Variants in FBXW8 observed in about 807,000 individuals in gnomAD.
FBXW8 encodes F-box and WD repeat domain containing 8.
In FBXW8, 57 loss-of-function variants were observed where a neutral mutation model predicts 65.3. That is an observed-to-expected ratio of 0.87 (90% CI 0.71 to 1.09). The LOEUF (loss-of-function observed/expected upper bound fraction) is 1.09. Among genes scored for constraint, FBXW8 ranks in the 50% least tolerant of loss-of-function variants. The pLI, the probability that FBXW8 is intolerant of heterozygous loss-of-function variation, is 0.00. For missense variants in FBXW8, 777 were observed against 814.8 expected, an observed-to-expected ratio of 0.95 and a Z score of 0.57; for synonymous variants, 308 against 330.2, an observed-to-expected ratio of 0.93 and a Z score of 0.73.
chr12:116,930,857 G>T (rs148779705), intron 2 of FBXW8, among the ~76,000 whole-genome samples: 69 of 152,236 alleles, frequency 4.5e-4, no homozygotes, highest in African/African-American at 1.5e-3. Context: ...GCCCAGGCTG[G>T]CATGCAGTGG....
At chr12:116,970,271 A>G (rs994092208) in intron 5 of FBXW8, among the ~76,000 whole-genome samples, 3 of 152,190 alleles carry the variant, frequency 2.0e-5, no homozygotes, top group Non-Finnish European at 4.4e-5. Context: ...CTCAGTAGAG[A>G]GAGGAGAGAC....
rs890119786 is a variant in FBXW8, at chr12:117,030,537, C to G, written c.*2365C>G. 6.6e-6 allele frequency: 1 copy of G among 152,240 alleles called. No homozygotes were observed. Among genetic ancestry groups the G allele is most frequent in the Non-Finnish European group, 1.5e-5 (1 of 68,048 alleles). The allele number at this position is 152,240 out of a possible 1,614,324, so 9.4% of individuals were successfully genotyped here. ...CTTTTCAAAAAGCAGCCCCTTCAGT[C>G]TGCGTTCCCAGTTCATTTTGCAGGC... On this transcript the variant is annotated 3_prime_UTR_variant, in exon 11 of 11. Transcript: ENST00000652555.
chr12:116,961,793 G>A lies in FBXW8; in HGVS notation c.678-2904G>A, dbSNP rs1205075218. On this transcript the variant is annotated intron_variant, in intron 4 of 10. Transcript: ENST00000652555. This position sits in a 1 kb window ranked among gnomAD's most constrained non-coding sequence, Gnocchi z 4.4. The stretch of plus-strand genomic sequence containing the variant: ...ATCGTAGTGCGGTGTAGTGTGGCAT[G>A]TGAGGGAGAAAGGAAGTAAAGGAAA... 6.6e-6 allele frequency among the ~76,000 whole-genome samples: 1 copy of A among 152,214 alleles called. No individual in the cohort carries two copies. Among genetic ancestry groups the A allele is most frequent in the Admixed American group, 6.5e-5 (1 of 15,290 alleles).
Position 116,961,283 on chromosome 12 carries a change from G to T in FBXW8, c.678-3414G>T, listed in dbSNP as rs1883970959. Among the ~76,000 whole-genome samples, 1 of 152,194 alleles carries T rather than the reference G, an allele frequency of 6.6e-6. No individual in the cohort carries two copies. Among genetic ancestry groups the T allele is most frequent in the African/African-American group, 2.4e-5 (1 of 41,446 alleles). On this transcript the variant is annotated intron_variant, in intron 4 of 10. Transcript: ENST00000652555. The surrounding 1 kb of genome is among the most constrained non-coding windows in gnomAD (Gnocchi z 4.4). ...CAAAGTGCTGGGATTACAGGCATGA[G>T]CCACCGTGCCCGGCCTGTATCTGCA... is the stretch of plus-strand genomic sequence containing the variant.
intron 7 of FBXW8, among the ~76,000 whole-genome samples, chr12:117,004,019 C>T (rs1352817753): frequency 6.6e-6 from 1 of 152,306 alleles, no homozygotes. Flanking sequence ...CGATGCTCTG[C>T]GTGGAGCTCA....
Position 116,958,407 on chromosome 12 carries a change from C to T in FBXW8, c.678-6290C>T, listed in dbSNP as rs1052116776. On this transcript the variant is annotated intron_variant, in intron 4 of 10. Coordinates refer to ENST00000652555, the MANE Select transcript of FBXW8 (RefSeq NM_153348.3). ...TTCAAACTTTTACATATTAAGGGCA[C>T]GAATGTTTCTTGAAATGTGGACACT... 2.0e-5 allele frequency among the ~76,000 whole-genome samples: 3 copies of T among 152,162 alleles called. No homozygotes were observed. In the South Asian group the frequency reaches 6.2e-4, roughly 32 times the overall value.
At position 116,911,036 on chromosome 12, in the gene FBXW8, A is replaced by G; in HGVS notation, c.-2A>G. ...GAACGTGGAGCGCCGGGAGCGGCGAATATGGACGACTACAGCCTGGATGAG... is the reference window on the plus strand; with the variant it reads ...GAACGTGGAGCGCCGGGAGCGGCGAGTATGGACGACTACAGCCTGGATGAG... On this transcript the variant is annotated 5_prime_UTR_variant, in exon 1 of 11. Coordinates refer to ENST00000652555, the MANE Select transcript of FBXW8 (RefSeq NM_153348.3). 7.0e-7 allele frequency: 1 copy of G among 1,421,584 alleles called. No individual in the cohort carries two copies. The highest frequency in any genetic ancestry group is 9.2e-7 in the Non-Finnish European group (1 of 1,092,388). The allele number at this position is 1,421,584 out of a possible 1,614,324, so 88.1% of individuals were successfully genotyped here. A position where few individuals can be genotyped will look rare whatever the true frequency, so the allele number is the denominator to read the frequency against.
intron 2 of FBXW8, among the ~76,000 whole-genome samples, chr12:116,940,422 T>C (rs1167448707): frequency 6.6e-6 from 1 of 150,970 alleles, no homozygotes; most frequent in Non-Finnish European, 1.5e-5. Flanking sequence ...GAGGTGGGGA[T>C]TAAAATCGAT....
chr12:116,990,736 C>T (rs1322758746), intron 7 of FBXW8, among the ~76,000 whole-genome samples: 3 of 152,184 alleles, frequency 2.0e-5, no homozygotes, highest in Non-Finnish European at 2.9e-5. Context: ...CCTTCAGATA[C>T]AGATGTAAGG....
intron 7 of FBXW8, chr12:117,002,843 G>C (rs911467460): frequency 1.3e-5 from 2 of 152,042 alleles, no homozygotes; most frequent in Non-Finnish European, 2.9e-5. Flanking sequence ...TTTTTTTAAA[G>C]TCTTAGCTCA....
intron 5 of FBXW8, among the ~76,000 whole-genome samples, chr12:116,974,156 G>C (rs1236907969): frequency 6.6e-6 from 1 of 152,226 alleles, no homozygotes; most frequent in Non-Finnish European, 1.5e-5. Context: ...AGCCAAGGTG[G>C]ATAGAATTTG....
At chr12:116,930,436 G>A (rs1208772199) in intron 2 of FBXW8, among the ~76,000 whole-genome samples, 1 of 152,114 alleles carries the variant, frequency 6.6e-6, no homozygotes, top group Non-Finnish European at 1.5e-5. Flanking sequence ...CCATTTGTAT[G>A]TCTTCTTTTG....
rs1231560897 is a variant in FBXW8 at position 116,915,325 on chromosome 12, CAATT to C, written c.318+3973_318+3976del. Among the ~76,000 whole-genome samples, 8 of 152,202 alleles carry C rather than the reference CAATT, an allele frequency of 5.3e-5. No homozygotes were observed. In the East Asian group the frequency reaches 1.3e-3, roughly 26 times the overall value. On this transcript the variant is annotated intron_variant, in intron 1 of 10. Transcript: ENST00000652555. ...ATAGTGGCAGCTGTTCTTTTTGTCA[CAATT>C]AAACATGTAGGAATTGTCTTTAAAC...
At chr12:116,980,852 T>G (rs939152334) in intron 5 of FBXW8, among the ~76,000 whole-genome samples, 1 of 152,218 alleles carries the variant, frequency 6.6e-6, no homozygotes, top group African/African-American at 2.4e-5. Flanking sequence ...GATCATTGTG[T>G]TTTATATTTT....
intron 9 of FBXW8, 131 bp downstream of exon 9, chr12:117,024,451 C>T (rs1592973135): frequency 1.0e-6 from 1 of 1,004,414 alleles, no homozygotes; most frequent in Non-Finnish European, 1.5e-6. Flanking sequence ...CTTACTGTGA[C>T]CCTAGGAGCC....
At chr12:116,982,090 AAAAT>A (rs1885342601) in intron 5 of FBXW8, among the ~76,000 whole-genome samples, 2 of 152,230 alleles carry the variant, frequency 1.3e-5, no homozygotes, top group Admixed American at 1.3e-4. Context: ...CTCAATCCAA[AAAAT>A]AAAAAAGGCA....
At chr12:116,911,481 A>G (rs1879939877) in intron 1 of FBXW8, 126 bp downstream of exon 1, 6 of 613,722 alleles carry the variant, frequency 9.8e-6, no homozygotes, top group Non-Finnish European at 1.4e-5. Flanking sequence ...TAGACGCACA[A>G]ACACCAATGT....
intron 7 of FBXW8, among the ~76,000 whole-genome samples, chr12:117,000,833 A>G (rs80051440): frequency 0.013 from 1,996 of 152,340 alleles, 53 homozygotes; most frequent in African/African-American, 0.045. Flanking sequence ...AGAATATTAT[A>G]AATATTAGCT....
chr12:117,011,504 C>T (rs1177093721), intron 8 of FBXW8, among the ~76,000 whole-genome samples: 1 of 152,186 alleles, frequency 6.6e-6, no homozygotes, highest in Admixed American at 6.5e-5. Flanking sequence ...AACTGAACTC[C>T]TCAGTGTGTG....
Sources: gnomAD v4.1 joint callset for allele counts (sites outside exome capture counted in the v4.1 genomes callset) on GRCh38, gnomAD v4.1.1 for gene constraint, Gnocchi (gnomAD v3.1) non-coding constraint, MANE v1.5 for transcripts, NCBI Gene and HGNC (gene_info 2026-07-23, HGNC 2026-07-21) for gene names.